Variants in NAALADL2 observed in about 807,000 individuals in gnomAD.
NAALADL2 encodes N-acetylated alpha-linked acidic dipeptidase like 2.
NAALADL2 carries 76 observed loss-of-function variants against 87.2 expected under a neutral mutation model. The ratio of observed to expected loss-of-function variants is 0.87; its 90% CI spans 0.72 to 1.05. The LOEUF (loss-of-function observed/expected upper bound fraction) is 1.05, where lower values mean the gene tolerates loss of function less well. Ranked by LOEUF, NAALADL2 falls within the 50% of genes least tolerant of loss-of-function variation. The pLI, the probability that NAALADL2 is intolerant of heterozygous loss-of-function variation, is 0.00. For missense variants in NAALADL2, 1,089 were observed against 945.8 expected (o/e 1.15, Z -1.99); for synonymous variants, 354 against 331.0 (o/e 1.07, Z -0.75).
intron 1 of NAALADL2, among the ~76,000 whole-genome samples, chr3:174,885,898 T>G (rs1730065685): frequency 3.1e-4 from 10 of 32,582 alleles, no homozygotes; most frequent in African/African-American, 3.2e-4. Context: ...TTTTTTTTTT[T>G]TTTTTTTTTT....
chr3:174,958,340 A>AAGATATTG (rs1741457326), intron 1 of NAALADL2, among the ~76,000 whole-genome samples: 1 of 151,916 alleles, frequency 6.6e-6, no homozygotes, highest in South Asian at 2.1e-4. Flanking sequence ...TAAGTAAATG[A>AAGATATTG]AGATATTGAA....
intron 10 of NAALADL2, among the ~76,000 whole-genome samples, chr3:175,584,930 A>G (rs533811009): frequency 2.0e-5 from 3 of 152,282 alleles, no homozygotes; most frequent in South Asian, 4.1e-4. Context: ...AATAAACACT[A>G]TACACATAGG....
intron 11 of NAALADL2, among the ~76,000 whole-genome samples, chr3:175,726,932 C>G (rs1387642037): frequency 2.0e-5 from 3 of 152,148 alleles, no homozygotes; most frequent in Non-Finnish European, 2.9e-5. Flanking sequence ...ATGCCCTCTT[C>G]TTCAATGCCC....
intron 9 of NAALADL2, among the ~76,000 whole-genome samples, chr3:175,475,836 G>A (rs1725622270): frequency 6.6e-6 from 1 of 152,088 alleles, no homozygotes; most frequent in Non-Finnish European, 1.5e-5. Flanking sequence ...AACACCCTCA[G>A]CCTCCCAGGT....
chr3:174,602,351 G>T (rs970027107), intron 2 of NAALADL2, among the ~76,000 whole-genome samples: 12 of 151,678 alleles, frequency 7.9e-5, no homozygotes, highest in Non-Finnish European at 1.8e-4. Flanking sequence ...TAATTCCTAG[G>T]TATTTAATTT....
chr3:175,385,583 A>G lies in NAALADL2; in HGVS notation c.1090+61258A>G, dbSNP rs193015159. Among the ~76,000 whole-genome samples, 88 of 152,272 alleles carry G rather than the reference A, an allele frequency of 5.8e-4. 2 individuals carry two copies. The South Asian group carries it at 0.01, about 18-fold the overall frequency. On this transcript the variant is annotated intron_variant, in intron 5 of 13. Transcript: ENST00000454872. ...ATAGATTAGCAAAGCGAATATAGTT[A>G]ACATTAATCAATTGTACATGTCAAA...
At chr3:175,169,063 G>A (rs1412206075) in intron 2 of NAALADL2, among the ~76,000 whole-genome samples, 1 of 151,716 alleles carries the variant, frequency 6.6e-6, no homozygotes, top group Non-Finnish European at 1.5e-5. Context: ...TAAATTGAAT[G>A]TGTAGGAGTC....
At chr3:175,778,667 A>G (rs1434466256) in intron 13 of NAALADL2, among the ~76,000 whole-genome samples, 1 of 152,212 alleles carries the variant, frequency 6.6e-6, no homozygotes, top group East Asian at 1.9e-4. Flanking sequence ...GTTTCAGCTC[A>G]TGTAATTATT....
chr3:175,077,522 G>C (rs1716836074), intron 1 of NAALADL2, among the ~76,000 whole-genome samples: 1 of 152,004 alleles, frequency 6.6e-6, no homozygotes, highest in Non-Finnish European at 1.5e-5. Context: ...TTCTAACTTT[G>C]TTTCTTATGC....
intron 1 of NAALADL2, among the ~76,000 whole-genome samples, chr3:174,898,582 T>C (rs778030241): frequency 2.0e-5 from 3 of 152,040 alleles, no homozygotes; most frequent in Non-Finnish European, 4.4e-5. Flanking sequence ...TTATTTCCAA[T>C]TGCGTGCTTG....
intron 2 of NAALADL2, among the ~76,000 whole-genome samples, chr3:175,190,674 G>T (rs6798124): frequency 6.6e-6 from 1 of 151,912 alleles, no homozygotes; most frequent in Non-Finnish European, 1.5e-5. Context: ...GTGGGTCAGA[G>T]GATGAAAAGT....
intron 11 of NAALADL2, among the ~76,000 whole-genome samples, chr3:175,714,887 T>C (rs1244531621): frequency 6.6e-6 from 1 of 152,102 alleles, no homozygotes; most frequent in Non-Finnish European, 1.5e-5. Flanking sequence ...TAACTCAAGA[T>C]GAATTAAAGA....
At chr3:174,890,549 A>G (rs1000215693) in intron 1 of NAALADL2, among the ~76,000 whole-genome samples, 1 of 152,200 alleles carries the variant, frequency 6.6e-6, no homozygotes, top group Non-Finnish European at 1.5e-5. Flanking sequence ...ACAATTGATA[A>G]TGAAGATGTA....
At chr3:174,570,240 C>G (rs1356024472) in intron 2 of NAALADL2, among the ~76,000 whole-genome samples, 2 of 151,476 alleles carry the variant, frequency 1.3e-5, no homozygotes, top group African/African-American at 4.8e-5. Flanking sequence ...GAGGGCAAGC[C>G]TGGTCTCATT....
intron 1 of NAALADL2, among the ~76,000 whole-genome samples, chr3:174,870,708 C>T (rs1002678871): frequency 1.3e-5 from 2 of 152,042 alleles, no homozygotes; most frequent in African/African-American, 4.8e-5. Flanking sequence ...CAGGTGTCCA[C>T]TTTAAAAGAG....
intron 2 of NAALADL2, among the ~76,000 whole-genome samples, chr3:174,725,725 C>T (rs1364111257): frequency 6.6e-6 from 1 of 152,116 alleles, no homozygotes; most frequent in African/African-American, 2.4e-5. Flanking sequence ...GGGAGAGAGG[C>T]ATGACAACAT....
intron 9 of NAALADL2, among the ~76,000 whole-genome samples, chr3:175,479,629 T>C (rs1358269429): frequency 6.6e-6 from 1 of 151,774 alleles, no homozygotes; most frequent in Non-Finnish European, 1.5e-5. Context: ...AAATACACTT[T>C]TTCAGAAGCA....
intron 4 of NAALADL2, among the ~76,000 whole-genome samples, chr3:175,317,077 C>T (rs1581391749): frequency 6.6e-6 from 1 of 151,948 alleles, no homozygotes; most frequent in Middle Eastern, 3.4e-3. Context: ...TAATCTCTAG[C>T]CAAAAATAGT....
At position 175,755,232 on chromosome 3, in the gene NAALADL2, A is replaced by C; in HGVS notation, c.2003A>C (p.Asn668Thr). The C allele has an allele frequency of 6.2e-7, 1 of 1,612,672 alleles. No homozygotes were observed. The highest frequency in any genetic ancestry group is 8.5e-7 in the Non-Finnish European group (1 of 1,179,610). ...VQNNLKGDQP[N>T]THQLLAMALR... Reference sequence around the variant, plus strand: ...TTATCTTCACCAGGTGATCAACCCAACACTCATCAACTGTTAGCCATGGCG... The same window carrying C: ...TTATCTTCACCAGGTGATCAACCCACCACTCATCAACTGTTAGCCATGGCG... The change falls in exon 13 of 14, where the codon AAC becomes ACC. Residue 668 changes from asparagine to threonine, a missense_variant. By Grantham distance (65) the Asn-to-Thr change is moderately conservative (BLOSUM62 0). Transcript: ENST00000454872.
Sources: gnomAD v4.1 joint callset for allele counts (sites outside exome capture counted in the v4.1 genomes callset) on GRCh38, gnomAD v4.1.1 for gene constraint, MANE v1.5 for transcripts, NCBI Gene and HGNC (gene_info 2026-07-23, HGNC 2026-07-21) for gene names.